Variants in MTX2 observed in about 807,000 individuals in gnomAD.
MTX2 encodes the protein metaxin-2.
A neutral mutation model predicts 42.3 loss-of-function variants in MTX2; 35 were observed. The observed-to-expected ratio is 0.83, with a 90% CI of 0.63 to 1.10. The LOEUF (loss-of-function observed/expected upper bound fraction) is 1.10, where lower values mean the gene tolerates loss of function less well. Among genes scored for constraint, MTX2 ranks in the 50% least tolerant of loss-of-function variants. MTX2 has a pLI of 0.00. For synonymous variants in MTX2, 119 were observed against 100.9 expected, an observed-to-expected ratio of 1.18 and a Z score of -1.08; for missense variants, 307 against 304.1, an observed-to-expected ratio of 1.01 and a Z score of -0.07.
intron 9 of MTX2, among the ~76,000 whole-genome samples, chr2:176,336,032 C>G (rs1684979992): frequency 6.6e-6 from 1 of 152,024 alleles, no homozygotes; most frequent in Non-Finnish European, 1.5e-5. Flanking sequence ...TATTGGAGTT[C>G]AAATTTGGAT....
intron 4 of MTX2, among the ~76,000 whole-genome samples, 188 bp from the exon 5 acceptor site, chr2:176,326,637 A>T (rs761969892): frequency 4.0e-5 from 6 of 151,510 alleles, no homozygotes; most frequent in African/African-American, 1.5e-4. Context: ...TTTTTTCTAA[A>T]GTTGGTTAGT....
intron 3 of MTX2, 83 bp downstream of exon 3, chr2:176,297,978 C>G: frequency 2.0e-6 from 2 of 1,011,088 alleles, no homozygotes; most frequent in Non-Finnish European, 2.9e-6. Flanking sequence ...TTTTCCCCTT[C>G]CAAAATGTCT....
chr2:176,295,585 T>G (rs547658212), intron 1 of MTX2, among the ~76,000 whole-genome samples: 1 of 152,320 alleles, frequency 6.6e-6, no homozygotes, highest in African/African-American at 2.4e-5. Flanking sequence ...TTACTTGATG[T>G]TTTCATGGCA....
intron 1 of MTX2, among the ~76,000 whole-genome samples, chr2:176,274,099 A>AT (rs1172893705): frequency 2.6e-5 from 4 of 151,810 alleles, no homozygotes; most frequent in East Asian, 1.9e-4. Context: ...TCTACCTGAC[A>AT]TTTTTTTCCT....
intron 3 of MTX2, among the ~76,000 whole-genome samples, chr2:176,322,772 A>G (rs535620745): frequency 6.6e-6 from 1 of 152,122 alleles, no homozygotes; most frequent in East Asian, 1.9e-4. Flanking sequence ...ATAGCATTCC[A>G]TAGTTTGGAT....
chr2:176,299,149 G>T (rs1270566645), intron 3 of MTX2, among the ~76,000 whole-genome samples: 1 of 152,044 alleles, frequency 6.6e-6, no homozygotes, highest in Non-Finnish European at 1.5e-5. Flanking sequence ...AAGTGTTTTT[G>T]CTCGTCAAAA....
At chr2:176,287,207 T>C (rs1693225692) in intron 1 of MTX2, among the ~76,000 whole-genome samples, 1 of 152,200 alleles carries the variant, frequency 6.6e-6, no homozygotes, top group Non-Finnish European at 1.5e-5. Flanking sequence ...TTTATAATTG[T>C]GCCTTTAGCT....
In MTX2 at chr2:176,270,437, T is replaced by C. The variant is rs781646102; in HGVS notation, c.40+768T>C. On this transcript the variant is annotated intron_variant, in intron 1 of 9. Coordinates refer to ENST00000249442, the MANE Select transcript of MTX2 (RefSeq NM_006554.5). Reference sequence around the variant, plus strand: ...GTATATAGGTTTGTAATTTCTCTTATTGAGGTTTTTATTTATTGTAATGAA... The same window carrying C: ...GTATATAGGTTTGTAATTTCTCTTACTGAGGTTTTTATTTATTGTAATGAA... 2.1e-5 allele frequency: 28 copies of C among 1,340,670 alleles called. No homozygotes were observed. In the Admixed American group the frequency reaches 4.2e-4, roughly 20 times the overall value. The allele number at this position is 1,340,670 out of a possible 1,614,324, so 83.0% of individuals were successfully genotyped here. A position where few individuals can be genotyped will look rare whatever the true frequency, so the allele number is the denominator to read the frequency against.
At chr2:176,287,252 A>G (rs928213851) in intron 1 of MTX2, among the ~76,000 whole-genome samples, 8 of 152,318 alleles carry the variant, frequency 5.3e-5, no homozygotes, top group South Asian at 2.1e-4. Flanking sequence ...TATGCATTCA[A>G]TGTATTTATT....
At chr2:176,272,074 A>G (rs1297502112) in intron 1 of MTX2, among the ~76,000 whole-genome samples, 1 of 152,218 alleles carries the variant, frequency 6.6e-6, no homozygotes, top group Non-Finnish European at 1.5e-5. Context: ...TTAAAAAAGA[A>G]GGAAACCCTA....
intron 4 of MTX2, among the ~76,000 whole-genome samples, chr2:176,324,807 G>T (rs1684671704): frequency 6.6e-6 from 1 of 151,714 alleles, no homozygotes; most frequent in African/African-American, 2.4e-5. Flanking sequence ...TCTTTCATAG[G>T]AGTCTCCTAT....
At chr2:176,322,414 A>C (rs573658769) in intron 3 of MTX2, among the ~76,000 whole-genome samples, 1 of 152,146 alleles carries the variant, frequency 6.6e-6, no homozygotes, top group African/African-American at 2.4e-5. Flanking sequence ...CAATTTCAAA[A>C]TAGACAAAAG....
rs993524080 is a variant in MTX2 at position 176,307,510 on chromosome 2, C to T, written c.135+9615C>T. Among the ~76,000 whole-genome samples, 92 of 152,152 alleles carry T rather than the reference C, an allele frequency of 6.0e-4. 4 individuals are homozygous for T. Among genetic ancestry groups the T allele is most frequent in the Non-Finnish European group, 1.5e-4 (10 of 68,024 alleles). ...ACTTCAGGCAGTATGGCCATTTTCA[C>T]GATATTGATTTTTCCTATCCATGAG... On this transcript the variant is annotated intron_variant, in intron 3 of 9. Coordinates refer to ENST00000249442, the MANE Select transcript of MTX2 (RefSeq NM_006554.5).
At chr2:176,299,354 AT>A (rs1683968855) in intron 3 of MTX2, among the ~76,000 whole-genome samples, 1 of 152,134 alleles carries the variant, frequency 6.6e-6, no homozygotes, top group African/African-American at 2.4e-5. Flanking sequence ...ATACCAGTAT[AT>A]TACCATTTAA....
intron 1 of MTX2, among the ~76,000 whole-genome samples, chr2:176,288,044 G>GT (rs1693247696): frequency 6.6e-6 from 1 of 151,918 alleles, no homozygotes; most frequent in African/African-American, 2.4e-5. Flanking sequence ...TGTGGGAAGA[G>GT]TCACTTCTGC....
chr2:176,296,735 A>C, intron 1 of MTX2, 125 bp from the exon 2 acceptor site: 2 of 882,490 alleles, frequency 2.3e-6, no homozygotes, highest in East Asian at 2.4e-5. Flanking sequence ...ATTAGTTGCC[A>C]TGTATAAGTC....
chr2:176,288,360 A>G lies in MTX2; in HGVS notation c.41-8500A>G, dbSNP rs142985807. Among the ~76,000 whole-genome samples, 334 of 152,144 alleles carry G rather than the reference A, an allele frequency of 2.2e-3. 3 individuals carry two copies. The highest frequency in any genetic ancestry group is 7.8e-3 in the African/African-American group (325 of 41,534). Reference sequence around the variant, plus strand: ...ATGTTATCACTGATATCATTAGTATAATATTTATGTCAAATTAACAAATTT... The same window carrying G: ...ATGTTATCACTGATATCATTAGTATGATATTTATGTCAAATTAACAAATTT... On this transcript the variant is annotated intron_variant, in intron 1 of 9. Transcript: ENST00000249442.
intron 1 of MTX2, among the ~76,000 whole-genome samples, chr2:176,283,526 A>G (rs1197784616): frequency 1.3e-5 from 2 of 152,154 alleles, no homozygotes; most frequent in Non-Finnish European, 2.9e-5. Flanking sequence ...ATAATAAGTC[A>G]GATTCTCTGT....
Position 176,296,579 on chromosome 2 carries a change from T to G in MTX2, c.41-281T>G, listed in dbSNP as rs1163395369. Among the ~76,000 whole-genome samples, 4 of 151,170 alleles carry G rather than the reference T, an allele frequency of 2.6e-5. No homozygotes were observed. In the East Asian group the frequency reaches 7.7e-4, roughly 29 times the overall value. On this transcript the variant is annotated intron_variant, in intron 1 of 9. Transcript: ENST00000249442. ...GAATTGTAGCATATGAGCTATTTTG[T>G]TTTTTTTATTCTCATTTTGGATTGG...
Sources: allele counts gnomAD v4.1 joint callset (sites outside exome capture counted in the v4.1 genomes callset), GRCh38; gene constraint gnomAD v4.1.1; transcripts MANE v1.5; gene names NCBI Gene and HGNC (gene_info 2026-07-23, HGNC 2026-07-21).